The following DIDO1 variants were observed in gnomAD, a reference collection of about 807,000 sequenced individuals.
DIDO1 encodes death-inducer obliterator 1.
A neutral mutation model predicts 99.4 loss-of-function variants in DIDO1; 16 were observed. That is an observed-to-expected ratio of 0.16 (90% confidence interval 0.11 to 0.24). The LOEUF (loss-of-function observed/expected upper bound fraction) is 0.24. Among genes scored for constraint, DIDO1 ranks in the 10% least tolerant of loss-of-function variants. DIDO1 has a pLI of 1.00. For synonymous variants in DIDO1, 1,366 were observed against 1,239.1 expected, an observed-to-expected ratio of 1.10 and a Z score of -2.15; for missense variants, 2,996 against 3,014.0, an observed-to-expected ratio of 0.99 and a Z score of 0.14.
At position 62,893,792 on chromosome 20, in the gene DIDO1, A is replaced by G. The variant is rs1181455959; in HGVS notation, c.2975T>C (p.Val992Ala). 2.4e-5 allele frequency: 38 copies of G among 1,614,136 alleles called. No individual in the cohort carries two copies. The highest frequency in any genetic ancestry group is 3.2e-5 in the Non-Finnish European group (38 of 1,180,028). The change falls in exon 12 of 16, where the codon GTG becomes GCG. Residue 992 changes from valine (V) to alanine (A), a missense_variant. Around this residue, in one of 5 missense-constraint regions of DIDO1, gnomAD observed 898 missense variants for 972.7 expected, o/e 0.92. Coordinates refer to ENST00000395343, the MANE Select transcript of DIDO1 (RefSeq NM_001193369.2). ...AASRPDSTHM[V>A]EARQDVPKPV... ...CTTCGGCACATCCTGTCTGGCTTCC[A>G]CCATGTGGGTGCTGTCTGGGCGGGA... is the stretch of plus-strand genomic sequence containing the variant.
chr20:62,908,380 TC>T (rs1166135693), intron 4 of DIDO1, among the ~76,000 whole-genome samples: 1 of 152,148 alleles, frequency 6.6e-6, no homozygotes, highest in Admixed American at 6.5e-5. Context: ...GTGACTGCAG[TC>T]CTGTGAGACC....
At chr20:62,898,521 T>C (rs2064588137) in intron 6 of DIDO1, among the ~76,000 whole-genome samples, 2 of 152,258 alleles carry the variant, frequency 1.3e-5, no homozygotes. Flanking sequence ...CTTTCAAGAT[T>C]TCCATGTGTT....
intron 3 of DIDO1, 22 bp from the exon 4 acceptor site, chr20:62,910,042 A>G: frequency 6.3e-7 from 1 of 1,595,230 alleles, no homozygotes; most frequent in Non-Finnish European, 8.5e-7. Flanking sequence ...AAATAACGGT[A>G]TTAGCAATGG....
Position 62,878,894 on chromosome 20 carries a change from G to A in DIDO1, c.*339C>T, listed in dbSNP as rs1748602091. On this transcript the variant is annotated 3_prime_UTR_variant, in exon 16 of 16. Coordinates refer to ENST00000395343, the MANE Select transcript of DIDO1 (RefSeq NM_001193369.2). The stretch of plus-strand genomic sequence containing the variant: ...TTTTGGAAACACAAACGGATGAGAT[G>A]TCAGTGAAGGTATGGCTCTAGGGTC... 5.0e-6 allele frequency: 1 copy of A among 198,104 alleles called. No individual in the cohort carries two copies. 12.3% of individuals were successfully genotyped at this position (198,104 alleles called of 1,614,324 possible).
At chr20:62,931,045 AC>A (rs2065327817), upstream of DIDO1, among the ~76,000 whole-genome samples, 2 of 151,712 alleles carry the variant, frequency 1.3e-5, no homozygotes, top group African/African-American at 4.9e-5. Flanking sequence ...GGCTCAAGCA[AC>A]CCTCCTGCCT....
chr20:62,898,343 G>C (rs1404542146), intron 6 of DIDO1, among the ~76,000 whole-genome samples: 1 of 152,172 alleles, frequency 6.6e-6, no homozygotes, highest in African/African-American at 2.4e-5. Flanking sequence ...AGTCCATCAA[G>C]CAGCAGCCTC....
chr20:62,905,323 G>T (rs1056996), intron 6 of DIDO1: 1 of 1,424,476 alleles, frequency 7.0e-7, no homozygotes, highest in South Asian at 1.5e-5. Context: ...GGTGTGTAGC[G>T]TGTGAATCGG....
At chr20:62,897,589 G>A (rs6010780) in intron 6 of DIDO1, among the ~76,000 whole-genome samples, 1 of 152,178 alleles carries the variant, frequency 6.6e-6, no homozygotes, top group Non-Finnish European at 1.5e-5. Flanking sequence ...GTGAGAAGCT[G>A]AGAACGCAGC....
At chr20:62,890,484 A>C (rs1171743626) in intron 15 of DIDO1, 1 of 992,758 alleles carries the variant, frequency 1.0e-6, no homozygotes, top group Non-Finnish European at 1.2e-6. Context: ...CAGATTTTAA[A>C]ATAATTATTT....
At chr20:62,912,429 CTTT>C (rs200953791) in intron 2 of DIDO1, among the ~76,000 whole-genome samples, 6 of 143,428 alleles carry the variant, frequency 4.2e-5, no homozygotes, top group Admixed American at 6.9e-5. Context: ...AGGTATATTT[CTTT>C]TTTTTTTTTT....
Position 62,881,902 on chromosome 20 carries a change from C to A in DIDO1, c.4054G>T (p.Asp1352Tyr). 1 of 1,613,508 alleles carries A rather than the reference C, an allele frequency of 6.2e-7. No homozygotes were observed. The highest frequency in any genetic ancestry group is 8.5e-7 in the Non-Finnish European group (1 of 1,180,036). ...LPQEPKTTAE[D>Y]GVPAPPLLDP... ...AACAACGGAGGTGCCGGCACCCCGT[C>A]CTCTGCTGTGGTTTTGGGCTCCTGG... Residue 1352 changes from aspartate to tyrosine, a missense_variant, in exon 16 of 16, where the codon GAC becomes TAC. By Grantham distance (160) the Asp-to-Tyr change is radical. This residue lies in a region of DIDO1 where 1,562 missense variants were observed against 1,412.6 expected (regional missense o/e 1.11). Coordinates refer to ENST00000395343, the MANE Select transcript of DIDO1 (RefSeq NM_001193369.2). The surrounding 1 kb of genome is among the most constrained non-coding windows in gnomAD (Gnocchi z 8.3).
At chr20:62,885,536 G>A (rs2064283641) in intron 15 of DIDO1, among the ~76,000 whole-genome samples, 1 of 152,202 alleles carries the variant, frequency 6.6e-6, no homozygotes, top group African/African-American at 2.4e-5. Flanking sequence ...GCAACCGTCT[G>A]GAGATTGGCA....
rs1405845621 is a variant in DIDO1 at position 62,895,113 on chromosome 20, C to A, written c.2267G>T (p.Arg756Ile). ...REEISLAKLVRLKPEELVSKE... is the reference protein window; with the variant it reads ...REEISLAKLVILKPEELVSKE... ...AGATACAAGTTCTTCTGGCTTCAGT[C>A]TCACAAGTTTCGCCAAAGAGATTTC... The change falls in exon 9 of 16, where the codon AGA becomes ATA. Residue 756 changes from arginine (R) to isoleucine (I), a missense_variant. Transcript: ENST00000395343. The A allele has an allele frequency of 2.5e-6, 4 of 1,612,136 alleles. No homozygotes were observed. Among genetic ancestry groups the A allele is most frequent in the Non-Finnish European group, 3.4e-6 (4 of 1,178,408 alleles).
intron 1 of DIDO1, 149 bp downstream of exon 1, chr20:62,926,290 G>C: frequency 6.6e-6 from 1 of 151,642 alleles, no homozygotes; most frequent in South Asian, 2.1e-4. Flanking sequence ...TCCCTTCCGC[G>C]GCCGCCATCT....
intron 15 of DIDO1, chr20:62,887,561 T>C: frequency 1.0e-6 from 1 of 985,466 alleles, no homozygotes; most frequent in Non-Finnish European, 1.2e-6. Context: ...CCCATGTTTA[T>C]GGACCGAGGT....
At position 62,893,758 on chromosome 20, in the gene DIDO1, C is replaced by G; in HGVS notation, c.3009G>C (p.Leu1003Phe). 1 of 1,614,248 alleles carries G rather than the reference C, an allele frequency of 6.2e-7. No homozygotes were observed. The highest frequency in any genetic ancestry group is 8.5e-7 in the Non-Finnish European group (1 of 1,180,050). Residue 1003 changes from leucine (L) to phenylalanine (F), a missense_variant, in exon 12 of 16, where the codon TTG becomes TTC. This residue lies in a region of DIDO1 where 898 missense variants were observed against 972.7 expected (regional missense o/e 0.92). Coordinates refer to ENST00000395343, the MANE Select transcript of DIDO1 (RefSeq NM_001193369.2). ...EARQDVPKPV[L>F]TSVMVPKSIL... ...TGGACTTGGGCACCATCACAGAAGT[C>G]AAGACAGGCTTCGGCACATCCTGTC...
chr20:62,925,588 GC>G (rs747464696), intron 1 of DIDO1, among the ~76,000 whole-genome samples: 1 of 152,210 alleles, frequency 6.6e-6, no homozygotes, highest in African/African-American at 2.4e-5. Context: ...GTAAGCTACT[GC>G]TACCTGTGGC....
chr20:62,908,877 T>C (rs2064864428), intron 4 of DIDO1, among the ~76,000 whole-genome samples: 1 of 152,176 alleles, frequency 6.6e-6, no homozygotes, highest in Non-Finnish European at 1.5e-5. Flanking sequence ...ACAGAATCAA[T>C]ATATTTAAAA....
At chr20:62,903,251 G>A (rs1300569999) in intron 6 of DIDO1, among the ~76,000 whole-genome samples, 4 of 152,242 alleles carry the variant, frequency 2.6e-5, no homozygotes, top group African/African-American at 9.6e-5. Flanking sequence ...TTCTAGCAAT[G>A]GCAGAGTGTC....
Sources: gnomAD v4.1 joint callset for allele counts (sites outside exome capture counted in the v4.1 genomes callset) on GRCh38, gnomAD v4.1.1 for gene constraint, gnomAD v4.1.1 regional missense constraint, Gnocchi (gnomAD v3.1) non-coding constraint, MANE v1.5 for transcripts, NCBI Gene and HGNC (gene_info 2026-07-23, HGNC 2026-07-21) for gene names.